Variants in FHOD3 observed in about 807,000 individuals in gnomAD.
The protein encoded by FHOD3 is formin homology 2 domain containing 3.
A neutral mutation model predicts 173.0 loss-of-function variants in FHOD3; 90 were observed. The observed-to-expected ratio is 0.52, with a 90% CI of 0.44 to 0.62. The LOEUF is 0.62. Ranked by LOEUF, FHOD3 falls within the 20% of genes least tolerant of loss-of-function variation. The pLI is 0.00. For missense variants in FHOD3, 1,945 were observed against 2,034.7 expected (o/e 0.96, Z 0.85); for synonymous variants, 828 against 823.0 (o/e 1.01, Z -0.10).
intron 5 of FHOD3, among the ~76,000 whole-genome samples, chr18:36,562,239 A>C (rs944513267): frequency 1.1e-4 from 16 of 150,876 alleles, no homozygotes; most frequent in Non-Finnish European, 2.2e-4. Context: ...CTGGTCTTGA[A>C]CTCCTGACCT....
intron 3 of FHOD3, among the ~76,000 whole-genome samples, chr18:36,435,503 A>T (rs1232061037): frequency 6.6e-6 from 1 of 152,178 alleles, no homozygotes; most frequent in African/African-American, 2.4e-5. Context: ...TTTGCTAAGA[A>T]TAAAAAGCCA....
In FHOD3 at chr18:36,501,886, A is replaced by G. The variant is rs17565834; in HGVS notation, c.338-46A>G. 507,410 of 1,319,520 alleles carry G rather than the reference A, an allele frequency of 0.38. 103,773 individuals carry two copies. The highest frequency in any genetic ancestry group is 0.43 in the Non-Finnish European group (404,689 of 942,902). The allele number at this position is 1,319,520 out of a possible 1,614,324, so 81.7% of individuals were successfully genotyped here. ...ATATCCTGTCTGTGTTTTCACTGTC[A>G]ATAGAGTCAGTTTAATTAATTTATA... On this transcript the variant is annotated intron_variant, in intron 3 of 28. Coordinates refer to ENST00000590592, the MANE Select transcript of FHOD3 (RefSeq NM_001281740.3).
At chr18:36,611,139 G>A (rs186224358) in intron 8 of FHOD3, among the ~76,000 whole-genome samples, 57 of 152,238 alleles carry the variant, frequency 3.7e-4, no homozygotes, top group African/African-American at 1.3e-3. Flanking sequence ...CATAGACCAC[G>A]GGGAGGCCCT....
chr18:36,730,546 G>A (rs1243866047), intron 19 of FHOD3, 100 bp from the exon 20 acceptor site: 1 of 1,225,358 alleles, frequency 8.2e-7, no homozygotes, highest in African/African-American at 1.5e-5. Context: ...GGGGCCATTT[G>A]TTTTCATCTC....
At chr18:36,344,969 A>G (rs2045812129) in intron 1 of FHOD3, among the ~76,000 whole-genome samples, 1 of 152,244 alleles carries the variant, frequency 6.6e-6, no homozygotes, top group South Asian at 2.1e-4. Flanking sequence ...GTCCACTAGG[A>G]AGTATTTGTC....
At chr18:36,714,500 G>A (rs539565656) in intron 18 of FHOD3, among the ~76,000 whole-genome samples, 4 of 152,138 alleles carry the variant, frequency 2.6e-5, no homozygotes, top group African/African-American at 4.8e-5. Flanking sequence ...TCACATCACT[G>A]CACTCCAGTC....
rs188445063 is a variant in FHOD3 at position 36,319,403 on chromosome 18, A to G, written c.165+21403A>G. Among the ~76,000 whole-genome samples the G allele has an allele frequency of 1.6e-3, 239 of 152,360 alleles. 1 individual carries two copies. Among genetic ancestry groups the G allele is most frequent in the Admixed American group, 3.0e-3 (46 of 15,304 alleles). On this transcript the variant is annotated intron_variant, in intron 1 of 28. Coordinates refer to ENST00000590592, the MANE Select transcript of FHOD3 (RefSeq NM_001281740.3). ...AAGAGACAAAGAAGGCTATTACATA[A>G]TGATAAAGGGATCAATTCAACAAGA...
chr18:36,727,829 G>C (rs1488717756), intron 19 of FHOD3, among the ~76,000 whole-genome samples: 1 of 152,214 alleles, frequency 6.6e-6, no homozygotes, highest in East Asian at 1.9e-4. Flanking sequence ...TTTGCCATGG[G>C]GCTGAATCTC....
At chr18:36,578,844 C>T (rs919736371) in intron 6 of FHOD3, among the ~76,000 whole-genome samples, 3 of 152,168 alleles carry the variant, frequency 2.0e-5, no homozygotes, top group Admixed American at 2.0e-4. Context: ...GTGACCCTCA[C>T]ATCTTGCCCT....
At chr18:36,412,296 A>G (rs111742002) in intron 3 of FHOD3, among the ~76,000 whole-genome samples, 3,666 of 152,324 alleles carry the variant, frequency 0.024, 147 homozygotes, top group African/African-American at 0.081. Flanking sequence ...CTTGGAGAAC[A>G]ATTTGAGAAA....
chr18:36,506,869 C>T (rs1219409484), intron 4 of FHOD3, among the ~76,000 whole-genome samples: 2 of 152,114 alleles, frequency 1.3e-5, no homozygotes, highest in Non-Finnish European at 2.9e-5. Context: ...CATTAAAAGC[C>T]CATCCAGAAG....
At chr18:36,385,942 A>AAC (rs2048012631) in intron 3 of FHOD3, among the ~76,000 whole-genome samples, 1 of 152,212 alleles carries the variant, frequency 6.6e-6, no homozygotes, top group African/African-American at 2.4e-5. Context: ...CATGAAAAGG[A>AAC]ATTAAAACAC....
chr18:36,500,646 A>G (rs1412870287), intron 3 of FHOD3, among the ~76,000 whole-genome samples: 1 of 152,234 alleles, frequency 6.6e-6, no homozygotes, highest in Non-Finnish European at 1.5e-5. Flanking sequence ...ACAGATGGAG[A>G]ATCCAAGGCT....
chr18:36,450,820 C>A (rs991662286), intron 3 of FHOD3, among the ~76,000 whole-genome samples: 3 of 151,898 alleles, frequency 2.0e-5, no homozygotes, highest in African/African-American at 7.2e-5. Context: ...AACAAAAAAC[C>A]AAAAACAAAA....
intron 5 of FHOD3, among the ~76,000 whole-genome samples, chr18:36,518,284 C>T (rs2056098084): frequency 2.0e-5 from 3 of 152,210 alleles, no homozygotes; most frequent in Non-Finnish European, 4.4e-5. Flanking sequence ...AACCTCATGA[C>T]ACTGGTCCTG....
chr18:36,433,917 T>C (rs1214941514), intron 3 of FHOD3, among the ~76,000 whole-genome samples: 1 of 152,202 alleles, frequency 6.6e-6, no homozygotes, highest in Non-Finnish European at 1.5e-5. Flanking sequence ...TATAGACCCA[T>C]GTATCTACCA....
Position 36,390,348 on chromosome 18 carries a change from T to C in FHOD3, c.337+17604T>C, listed in dbSNP as rs2048239306. Among the ~76,000 whole-genome samples, 3 of 152,188 alleles carry C rather than the reference T, an allele frequency of 2.0e-5. No individual in the cohort carries two copies. The South Asian group carries it at 6.2e-4, about 31-fold the overall frequency. ...TTAAAACTGGAGGTGCCCTGAGCTT[T>C]GTTCTTTTTAAGGCCATAGTATTCC... On this transcript the variant is annotated intron_variant, in intron 3 of 28. Coordinates refer to ENST00000590592, the MANE Select transcript of FHOD3 (RefSeq NM_001281740.3).
intron 10 of FHOD3, among the ~76,000 whole-genome samples, chr18:36,639,367 C>T (rs1568533669): frequency 6.6e-6 from 1 of 151,854 alleles, no homozygotes; most frequent in South Asian, 2.1e-4. Context: ...GGTGAAACCC[C>T]GTCTCTGCTA....
In FHOD3 at chr18:36,548,197, C is replaced by CA. The variant is rs200911591; in HGVS notation, c.512-28244dup. ...AGAGAGTGAGACAATGTCTCAAAAA[C>CA]AAAAAAAAAATTCTGTACATTCACT... On this transcript the variant is annotated intron_variant, in intron 5 of 28. Transcript: ENST00000590592. Among the ~76,000 whole-genome samples the CA allele has an allele frequency of 6.3e-3, 936 of 149,484 alleles. 13 individuals carry two copies. Among genetic ancestry groups the CA allele is most frequent in the African/African-American group, 0.021 (869 of 40,828 alleles).
Sources: gnomAD v4.1 joint callset for allele counts (sites outside exome capture counted in the v4.1 genomes callset) on GRCh38, gnomAD v4.1.1 for gene constraint, MANE v1.5 for transcripts, NCBI Gene and HGNC (gene_info 2026-07-23, HGNC 2026-07-21) for gene names.